The following CNTN4 variants were observed in gnomAD, a reference collection of about 807,000 sequenced individuals.
CNTN4 encodes the protein contactin 4, also known as contactin-4.
CNTN4 carries 77 observed loss-of-function variants against 122.5 expected under a neutral mutation model. The observed-to-expected ratio is 0.63, with a 90% CI of 0.52 to 0.76. CNTN4 has a LOEUF of 0.76. CNTN4 is among the 30% of genes least tolerant of loss of function. The pLI is 0.00. For synonymous variants in CNTN4, 512 were observed against 447.0 expected (o/e 1.15, Z -1.83); for missense variants, 1,256 against 1,259.1 (o/e 1.00, Z 0.04).
chr3:2,466,221 T>C (rs994968344), intron 3 of CNTN4, among the ~76,000 whole-genome samples: 2 of 152,208 alleles, frequency 1.3e-5, no homozygotes, highest in African/African-American at 4.8e-5. Context: ...ATTAGAATTT[T>C]AAGAGAATTT....
At chr3:2,571,853 G>A (rs138412851) in intron 4 of CNTN4, among the ~76,000 whole-genome samples, 2 of 151,048 alleles carry the variant, frequency 1.3e-5, no homozygotes, top group Non-Finnish European at 2.9e-5. Flanking sequence ...CCAGTGCCCA[G>A]TTGCACAGAG....
chr3:2,187,534 T>C (rs988106837), intron 2 of CNTN4, among the ~76,000 whole-genome samples: 2 of 152,170 alleles, frequency 1.3e-5, no homozygotes, highest in African/African-American at 4.8e-5. Context: ...TTCTTATTCC[T>C]AGGTTCACGA....
At chr3:2,852,004 G>A (rs183434171) in intron 7 of CNTN4, among the ~76,000 whole-genome samples, 150 of 152,236 alleles carry the variant, frequency 9.9e-4, no homozygotes, top group African/African-American at 3.4e-3. Flanking sequence ...TAGTTGCTAA[G>A]TTTCTCAATT....
rs1173242104 is a variant in CNTN4 at position 2,468,130 on chromosome 3, A to G, written c.-88-103286A>G. ...CAAAGAGTCCTATTCATAAGACTGA[A>G]TTTGACATTTAAATTTTTGGACATT... is the stretch of plus-strand genomic sequence containing the variant. On this transcript the variant is annotated intron_variant, in intron 3 of 24. Transcript: ENST00000418658. Among the ~76,000 whole-genome samples, 4 of 152,184 alleles carry G rather than the reference A, an allele frequency of 2.6e-5. No individual in the cohort carries two copies. The East Asian group carries it at 5.8e-4, about 22-fold the overall frequency.
rs549020064 is a variant in CNTN4, at chr3:3,004,641, T to C, written c.1486+16169T>C. 8.7e-4 allele frequency among the ~76,000 whole-genome samples: 132 copies of C among 152,328 alleles called. 3 individuals carry two copies. The South Asian group carries it at 0.014, about 16-fold the overall frequency. On this transcript the variant is annotated intron_variant, in intron 14 of 24. Coordinates refer to ENST00000418658, the MANE Select transcript of CNTN4 (RefSeq NM_175607.3). ...TGTAAAATTTATATAATAGTACCTA[T>C]TTCATAGGATAGTTGGGAAGACTAA...
intron 4 of CNTN4, among the ~76,000 whole-genome samples, chr3:2,659,072 G>A (rs1443180200): frequency 1.3e-5 from 2 of 151,596 alleles, no homozygotes; most frequent in African/African-American, 2.4e-5. Context: ...AGTGAGATCA[G>A]AAAGAATGCT....
intron 13 of CNTN4, among the ~76,000 whole-genome samples, chr3:2,932,491 A>T (rs1316311829): frequency 2.6e-5 from 4 of 152,174 alleles, no homozygotes; most frequent in African/African-American, 9.7e-5. Context: ...GCAGAGATAC[A>T]CTCATTCTGG....
At chr3:2,558,097 T>A (rs1275403344) in intron 3 of CNTN4, among the ~76,000 whole-genome samples, 1 of 152,222 alleles carries the variant, frequency 6.6e-6, no homozygotes, top group Non-Finnish European at 1.5e-5. Flanking sequence ...TAGAAAATTA[T>A]TTATGCACCA....
Position 3,030,989 on chromosome 3 carries a change from T to C in CNTN4, c.1783+14T>C, listed in dbSNP as rs1288074118. On this transcript the variant is annotated intron_variant, in intron 16 of 24. Coordinates refer to ENST00000418658, the MANE Select transcript of CNTN4 (RefSeq NM_175607.3). ...TGATTGTAAGAGGTACTGGATTTTGTTGTTATTGTTGTTCTTGAAATATTT... is the reference window on the plus strand; with the variant it reads ...TGATTGTAAGAGGTACTGGATTTTGCTGTTATTGTTGTTCTTGAAATATTT... The C allele has an allele frequency of 6.2e-7, 1 of 1,613,922 alleles. No homozygotes were observed. Among genetic ancestry groups the C allele is most frequent in the Non-Finnish European group, 8.5e-7 (1 of 1,179,814 alleles).
At chr3:2,120,406 T>TAAATATATATATATATATATATATATATA in intron 2 of CNTN4, among the ~76,000 whole-genome samples, 1 of 24,562 alleles carries the variant, frequency 4.1e-5, no homozygotes, top group African/African-American at 1.3e-4. Flanking sequence ...TATATATATA[T>TAAATATATATATATATATATATATATATA]TTTTTTTTTT....
At chr3:2,577,318 A>G (rs1031912302) in intron 4 of CNTN4, among the ~76,000 whole-genome samples, 1 of 152,186 alleles carries the variant, frequency 6.6e-6, no homozygotes, top group African/African-American at 2.4e-5. Flanking sequence ...AGATGATTGG[A>G]GAGTTGACTG....
At chr3:2,744,345 T>A (rs2089639203) in intron 5 of CNTN4, among the ~76,000 whole-genome samples, 1 of 150,164 alleles carries the variant, frequency 6.7e-6, no homozygotes, top group Non-Finnish European at 1.5e-5. Flanking sequence ...CCCAAGAATG[T>A]TATAAGATGA....
chr3:2,730,949 A>G lies in CNTN4; in HGVS notation c.56-5266A>G, dbSNP rs982961118. Among the ~76,000 whole-genome samples the G allele has an allele frequency of 1.5e-4, 23 of 152,218 alleles. 1 individual carries two copies. Among genetic ancestry groups the G allele is most frequent in the South Asian group, 6.2e-4 (3 of 4,826 alleles). On this transcript the variant is annotated intron_variant, in intron 4 of 24. Transcript: ENST00000418658. ...AAAAATAGAGATCATTGATGTTCCA[A>G]TACAGCAAATAAATTAAGTGACACC...
chr3:2,588,771 G>A (rs2080326083), intron 4 of CNTN4, among the ~76,000 whole-genome samples: 1 of 121,078 alleles, frequency 8.3e-6, no homozygotes. Flanking sequence ...TAAAGAGGAA[G>A]CATCTTCCAG....
intron 3 of CNTN4, among the ~76,000 whole-genome samples, chr3:2,514,881 C>T (rs115641942): frequency 0.015 from 2,250 of 151,954 alleles, 26 homozygotes; most frequent in Non-Finnish European, 0.02. Context: ...TCTTTCATTT[C>T]TCTTTCTTTC....
chr3:2,196,707 T>C (rs183686210), intron 2 of CNTN4, among the ~76,000 whole-genome samples: 5 of 152,152 alleles, frequency 3.3e-5, no homozygotes, highest in Admixed American at 2.0e-4. Flanking sequence ...ATCACTCCTA[T>C]CTTGTTTATG....
At chr3:2,812,096 G>A (rs898094959) in intron 6 of CNTN4, among the ~76,000 whole-genome samples, 1 of 152,090 alleles carries the variant, frequency 6.6e-6, no homozygotes, top group Non-Finnish European at 1.5e-5. Flanking sequence ...ACACATAAAG[G>A]GGAACACCAC....
intron 3 of CNTN4, among the ~76,000 whole-genome samples, chr3:2,368,072 G>A (rs1322516876): frequency 7.0e-5 from 9 of 128,914 alleles, no homozygotes; most frequent in African/African-American, 1.9e-4. Context: ...TCGCTCTGTC[G>A]CCCAGGCTGG....
At chr3:2,674,060 A>G (rs556118773) in intron 4 of CNTN4, among the ~76,000 whole-genome samples, 2 of 152,318 alleles carry the variant, frequency 1.3e-5, no homozygotes, top group East Asian at 3.9e-4. Flanking sequence ...AGCTGAATGT[A>G]GCCACGTAAG....
Sources: gnomAD v4.1 joint callset for allele counts (sites outside exome capture counted in the v4.1 genomes callset) on GRCh38, gnomAD v4.1.1 for gene constraint, MANE v1.5 for transcripts, NCBI Gene and HGNC (gene_info 2026-07-23, HGNC 2026-07-21) for gene names.